The following NRXN3 variants were observed in gnomAD, a reference collection of about 807,000 sequenced individuals.
NRXN3 encodes neurexin 3.
A neutral mutation model predicts 137.6 loss-of-function variants in NRXN3; 32 were observed. That is an observed-to-expected ratio of 0.23 (90% CI 0.18 to 0.31). NRXN3 has a LOEUF of 0.31. Among genes scored for constraint, NRXN3 ranks in the 10% least tolerant of loss-of-function variants. NRXN3 has a pLI of 1.00. For synonymous variants in NRXN3, 798 were observed against 784.5 expected, an observed-to-expected ratio of 1.02 and a Z score of -0.29; for missense variants, 1,574 against 2,062.5, an observed-to-expected ratio of 0.76 and a Z score of 4.59.
chr14:78,770,046 G>A (rs532869648), intron 8 of NRXN3, among the ~76,000 whole-genome samples: 4 of 152,206 alleles, frequency 2.6e-5, no homozygotes, highest in East Asian at 1.9e-4. Flanking sequence ...ATGTGTGTGC[G>A]TGTTGCCAAG....
Position 78,988,302 on chromosome 14 carries a change from G to T in NRXN3, c.3262+161G>T, listed in dbSNP as rs571351742. 890 of 841,236 alleles carry T rather than the reference G, an allele frequency of 1.1e-3. 2 individuals carry two copies. Among genetic ancestry groups the T allele is most frequent in the South Asian group, 3.1e-3 (216 of 69,152 alleles). 52.1% of individuals were successfully genotyped at this position (841,236 alleles called of 1,614,324 possible). The stretch of plus-strand genomic sequence containing the variant: ...TAAATGACTAGTGCTCTTATGAGAA[G>T]AGTGAAGAGATGTGTCTTGCTTAAC... On this transcript the variant is annotated intron_variant, in intron 15 of 20. Coordinates refer to ENST00000335750, the MANE Select transcript of NRXN3 (RefSeq NM_001330195.2).
chr14:78,760,833 A>G (rs922452701), intron 8 of NRXN3, among the ~76,000 whole-genome samples: 2 of 152,132 alleles, frequency 1.3e-5, no homozygotes, highest in Non-Finnish European at 1.5e-5. Flanking sequence ...TGAGGAGGCA[A>G]AAATGGTTGG....
intron 19 of NRXN3, among the ~76,000 whole-genome samples, chr14:79,798,359 AG>A (rs766876882): frequency 6.6e-6 from 1 of 152,208 alleles, no homozygotes; most frequent in Non-Finnish European, 1.5e-5. Context: ...CTCTCATCTG[AG>A]ATATTCAGAG....
chr14:78,700,239 T>C (rs561989766), intron 6 of NRXN3, among the ~76,000 whole-genome samples: 1 of 152,334 alleles, frequency 6.6e-6, no homozygotes, highest in East Asian at 1.9e-4. Flanking sequence ...TATTCTAATA[T>C]AGCTAATCAA....
At chr14:79,171,489 C>G (rs2061775422) in intron 15 of NRXN3, among the ~76,000 whole-genome samples, 3 of 152,130 alleles carry the variant, frequency 2.0e-5, no homozygotes, top group African/African-American at 7.2e-5. Flanking sequence ...TTGAAAGATA[C>G]AGTCCCTCCA....
intron 2 of NRXN3, among the ~76,000 whole-genome samples, chr14:78,250,535 C>T (rs1224338879): frequency 5.9e-5 from 9 of 152,178 alleles, no homozygotes; most frequent in African/African-American, 1.2e-4. Flanking sequence ...TGCTCCTGCC[C>T]AAGAGCATGG....
intron 15 of NRXN3, among the ~76,000 whole-genome samples, chr14:78,998,397 G>A (rs1044956432): frequency 2.0e-5 from 3 of 152,120 alleles, no homozygotes; most frequent in Middle Eastern, 3.2e-3. Context: ...CTGGCAGTAT[G>A]TAATATTCTA....
chr14:78,829,163 A>G (rs887913267), intron 10 of NRXN3, among the ~76,000 whole-genome samples: 52 of 152,296 alleles, frequency 3.4e-4, no homozygotes, highest in African/African-American at 1.0e-3. Flanking sequence ...AACTGTCCCC[A>G]TTAAACTGAT....
chr14:79,704,230 C>T (rs17109778), intron 19 of NRXN3, among the ~76,000 whole-genome samples: 11,048 of 152,178 alleles, frequency 0.073, 450 homozygotes, highest in South Asian at 0.13. Flanking sequence ...CATGGTTCTA[C>T]GATGACACAC....
intron 8 of NRXN3, among the ~76,000 whole-genome samples, chr14:78,734,999 G>C (rs1448708581): frequency 1.3e-5 from 2 of 152,150 alleles, no homozygotes; most frequent in Non-Finnish European, 2.9e-5. Flanking sequence ...CATCTTGGCT[G>C]TAGGACAGTG....
chr14:79,817,002 G>A (rs2099253517), intron 20 of NRXN3, among the ~76,000 whole-genome samples: 1 of 152,112 alleles, frequency 6.6e-6, no homozygotes, highest in African/African-American at 2.4e-5. Context: ...TAATTTGATT[G>A]GGTTTCTGAT....
chr14:78,336,214 A>G (rs1444486853), intron 4 of NRXN3, among the ~76,000 whole-genome samples: 1 of 152,134 alleles, frequency 6.6e-6, no homozygotes, highest in African/African-American at 2.4e-5. Context: ...GAATTCCTGT[A>G]TTTGACTTGG....
intron 10 of NRXN3, among the ~76,000 whole-genome samples, chr14:78,836,264 G>C (rs934546509): frequency 1.6e-4 from 24 of 152,228 alleles, no homozygotes; most frequent in African/African-American, 5.5e-4. Flanking sequence ...TATCTGCCAT[G>C]ATGGGGAAAG....
intron 15 of NRXN3, among the ~76,000 whole-genome samples, chr14:79,094,979 A>AGAGAGAGTGT (rs553957969): frequency 3.2e-4 from 37 of 115,928 alleles, no homozygotes; most frequent in Admixed American, 1.0e-3. Flanking sequence ...AGAGAGAGAG[A>AGAGAGAGTGT]GTGTGTGTGT....
intron 1 of NRXN3, among the ~76,000 whole-genome samples, chr14:78,170,883 G>A (rs964753304): frequency 9.9e-5 from 15 of 151,552 alleles, no homozygotes; most frequent in Non-Finnish European, 4.4e-5. Context: ...AGTTTCTCCT[G>A]GAAGTTGGGT....
In NRXN3 at chr14:78,765,731, A is replaced by G. The variant is rs900856899; in HGVS notation, c.2045-37889A>G. 1.2e-4 allele frequency among the ~76,000 whole-genome samples: 18 copies of G among 151,978 alleles called. 1 individual carries two copies. The highest frequency in any genetic ancestry group is 4.1e-4 in the African/African-American group (17 of 41,332). On this transcript the variant is annotated intron_variant, in intron 8 of 20. Transcript: ENST00000335750. ...GTTAAGTGAATAAATGTTGATATAT[A>G]TATATATACACACACACACACATAC...
At chr14:79,098,584 CT>C (rs1438098863) in intron 15 of NRXN3, among the ~76,000 whole-genome samples, 1 of 152,152 alleles carries the variant, frequency 6.6e-6, no homozygotes, top group East Asian at 1.9e-4. Flanking sequence ...GATCCTTTCT[CT>C]AATTTAAGTT....
At chr14:78,800,891 C>A (rs958373302) in intron 8 of NRXN3, among the ~76,000 whole-genome samples, 1 of 152,198 alleles carries the variant, frequency 6.6e-6, no homozygotes, top group Admixed American at 6.5e-5. Context: ...CATGGTATCT[C>A]ATAATCTAAA....
chr14:79,554,819 A>G (rs577591578), intron 16 of NRXN3, among the ~76,000 whole-genome samples: 1 of 152,290 alleles, frequency 6.6e-6, no homozygotes, highest in African/African-American at 2.4e-5. Context: ...AGTAAGATAT[A>G]TTCCTAGCCT....
Sources: gnomAD v4.1 joint callset for allele counts (sites outside exome capture counted in the v4.1 genomes callset) on GRCh38, gnomAD v4.1.1 for gene constraint, MANE v1.5 for transcripts, NCBI Gene and HGNC (gene_info 2026-07-23, HGNC 2026-07-21) for gene names.